Variants in HLCS observed in about 807,000 individuals in gnomAD.
HLCS encodes the protein holocarboxylase synthetase, also known as biotin--protein ligase.
HLCS carries 53 observed loss-of-function variants against 75.0 expected under a neutral mutation model. The ratio of observed to expected loss-of-function variants is 0.71; its 90% CI spans 0.57 to 0.89. HLCS has a LOEUF of 0.89. Ranked by LOEUF, HLCS falls within the 40% of genes least tolerant of loss-of-function variation. HLCS has a pLI of 0.00. For missense variants in HLCS, 966 were observed against 1,074.0 expected (o/e 0.90, Z 1.41); for synonymous variants, 431 against 428.6 (o/e 1.01, Z -0.07).
chr21:36,870,185 C>A (rs2063721925), intron 6 of HLCS, among the ~76,000 whole-genome samples: 1 of 152,132 alleles, frequency 6.6e-6, no homozygotes, highest in South Asian at 2.1e-4. Context: ...GGAGTGCAGC[C>A]TCTGGCCACC....
Position 36,750,641 on chromosome 21 carries a change from A to C in HLCS, c.*3605T>G, listed in dbSNP as rs1396078109. ...AGCTATAAGATGGTTAAGGTAGACTAGTGGGGACTGCTACAGATAAAATGA... is the reference window on the plus strand; with the variant it reads ...AGCTATAAGATGGTTAAGGTAGACTCGTGGGGACTGCTACAGATAAAATGA... On this transcript the variant is annotated 3_prime_UTR_variant, in exon 11 of 11. Coordinates refer to ENST00000674895, the MANE Select transcript of HLCS (RefSeq NM_001352514.2). Among the ~76,000 whole-genome samples the C allele has an allele frequency of 6.6e-6, 1 of 152,044 alleles. No homozygotes were observed. Among genetic ancestry groups the C allele is most frequent in the Admixed American group, 6.6e-5 (1 of 15,248 alleles).
exon 1 of HLCS, chr21:36,990,207 T>G (rs2069325757): frequency 6.6e-6 from 1 of 152,342 alleles, no homozygotes; most frequent in Admixed American, 6.5e-5. Flanking sequence ...CGCCCGCGAA[T>G]CCCTGCCGCG....
intron 6 of HLCS, among the ~76,000 whole-genome samples, chr21:36,838,724 G>C (rs867770531): frequency 1.4e-5 from 2 of 148,134 alleles, no homozygotes; most frequent in African/African-American, 5.0e-5. Context: ...AAAAAAAAAA[G>C]AGAGAGACAG....
chr21:36,888,477 TATATATATA>T (rs2064617052), intron 6 of HLCS, among the ~76,000 whole-genome samples: 4 of 126,772 alleles, frequency 3.2e-5, no homozygotes, highest in Non-Finnish European at 4.9e-5. Flanking sequence ...TATATATATA[TATATATATA>T]TATATATATA....
chr21:36,879,493 T>C (rs1387827511), intron 6 of HLCS, among the ~76,000 whole-genome samples: 1 of 152,212 alleles, frequency 6.6e-6, no homozygotes, highest in Non-Finnish European at 1.5e-5. Context: ...AACAAACATA[T>C]TAAATACCAT....
rs1470085301 is a variant in HLCS at position 36,888,428 on chromosome 21, C to T, written c.1892+8432G>A. 1.0e-3 allele frequency among the ~76,000 whole-genome samples: 59 copies of T among 59,150 alleles called. 1 individual carries two copies. The highest frequency in any genetic ancestry group is 9.6e-4 in the Non-Finnish European group (29 of 30,144). 38.8% of individuals were successfully genotyped at this position (59,150 alleles called of 152,430 possible). The stretch of plus-strand genomic sequence containing the variant: ...CCCCAATGCGATCCTGCCCCCTTCC[C>T]ATTTAAAAAAAAAAAAAATATATAT... On this transcript the variant is annotated intron_variant, in intron 6 of 10. Transcript: ENST00000674895.
chr21:36,782,956 G>A (rs950826587), intron 6 of HLCS, among the ~76,000 whole-genome samples: 13 of 152,208 alleles, frequency 8.5e-5, no homozygotes, highest in South Asian at 2.1e-4. Flanking sequence ...CAGCCTGGGC[G>A]ACAGAGTGAG....
chr21:36,863,543 T>A (rs1374172662), intron 6 of HLCS, among the ~76,000 whole-genome samples: 1 of 152,172 alleles, frequency 6.6e-6, no homozygotes, highest in Non-Finnish European at 1.5e-5. Context: ...TTCCCTGCCA[T>A]GCTCAGGGTT....
intron 6 of HLCS, among the ~76,000 whole-genome samples, chr21:36,792,802 C>A (rs531052369): frequency 6.6e-5 from 10 of 152,244 alleles, no homozygotes; most frequent in African/African-American, 2.4e-4. Flanking sequence ...GAGCCAGCAG[C>A]CAGGGGCAAG....
At chr21:36,843,330 T>C (rs1314131104) in intron 6 of HLCS, among the ~76,000 whole-genome samples, 1 of 152,102 alleles carries the variant, frequency 6.6e-6, no homozygotes, top group African/African-American at 2.4e-5. Flanking sequence ...CCCAGCTACT[T>C]GGGAGGCTGA....
chr21:36,899,574 A>G (rs1278530290), intron 5 of HLCS, among the ~76,000 whole-genome samples: 1 of 152,202 alleles, frequency 6.6e-6, no homozygotes, highest in African/African-American at 2.4e-5. Flanking sequence ...CAGTGAGCCG[A>G]GATCACGCCA....
intron 6 of HLCS, among the ~76,000 whole-genome samples, chr21:36,841,180 C>T (rs1035182420): frequency 6.6e-6 from 1 of 152,036 alleles, no homozygotes; most frequent in African/African-American, 2.4e-5. Context: ...TCTTAATTTG[C>T]TAAAAATATT....
intron 6 of HLCS, among the ~76,000 whole-genome samples, chr21:36,894,172 G>A (rs939095737): frequency 1.6e-4 from 24 of 152,250 alleles, no homozygotes; most frequent in African/African-American, 5.1e-4. Flanking sequence ...TGTAGGACGT[G>A]CCTGCTTCCC....
intron 1 of HLCS, among the ~76,000 whole-genome samples, chr21:36,983,653 T>A (rs528215060): frequency 1.3e-4 from 20 of 151,542 alleles, no homozygotes; most frequent in Non-Finnish European, 1.6e-4. Context: ...CTGGTTAACA[T>A]GGTGAAACCC....
intron 2 of HLCS, among the ~76,000 whole-genome samples, chr21:36,956,655 G>A (rs1046871068): frequency 6.6e-5 from 10 of 151,758 alleles, no homozygotes; most frequent in South Asian, 2.1e-4. Flanking sequence ...GCATGAACCC[G>A]GGAGGCAGGG....
At chr21:36,816,354 C>T (rs1345284871) in intron 6 of HLCS, among the ~76,000 whole-genome samples, 5 of 151,400 alleles carry the variant, frequency 3.3e-5, no homozygotes, top group Non-Finnish European at 7.4e-5. Flanking sequence ...TGTGATCACA[C>T]CACTGCACTC....
At chr21:36,942,109 G>A (rs533528757) in intron 2 of HLCS, among the ~76,000 whole-genome samples, 9 of 152,096 alleles carry the variant, frequency 5.9e-5, no homozygotes, top group Admixed American at 2.6e-4. Context: ...GGAGGCAGAG[G>A]TTGCAGTGAG....
intron 6 of HLCS, among the ~76,000 whole-genome samples, chr21:36,855,328 C>A (rs12627632): frequency 0.035 from 5,249 of 151,168 alleles, 208 homozygotes; most frequent in East Asian, 0.21. Context: ...GTCAGGAGTT[C>A]GAGACCAGTC....
chr21:36,876,897 G>A (rs756656752), intron 6 of HLCS, among the ~76,000 whole-genome samples: 2 of 152,080 alleles, frequency 1.3e-5, no homozygotes, highest in Non-Finnish European at 2.9e-5. Flanking sequence ...CTTTTATTCT[G>A]TCCATTTTTG....
Sources: allele counts gnomAD v4.1 joint callset (sites outside exome capture counted in the v4.1 genomes callset), GRCh38; gene constraint gnomAD v4.1.1; transcripts MANE v1.5; gene names NCBI Gene and HGNC (gene_info 2026-07-23, HGNC 2026-07-21).